Variants in SNRPN observed in about 807,000 individuals in gnomAD.
The protein encoded by SNRPN is small nuclear ribonucleoprotein polypeptide N, also known as small nuclear ribonucleoprotein-associated protein N.
Under a neutral mutation model 25.2 loss-of-function variants are expected in SNRPN, and 7 were observed. That is an observed-to-expected ratio of 0.28 (90% CI 0.16 to 0.52). SNRPN has a LOEUF of 0.52. Among genes scored for constraint, SNRPN ranks in the 20% least tolerant of loss-of-function variants. SNRPN has a pLI of 0.96. For synonymous variants in SNRPN, 124 were observed against 110.6 expected, an observed-to-expected ratio of 1.12 and a Z score of -0.76; for missense variants, 196 against 322.5, an observed-to-expected ratio of 0.61 and a Z score of 3.00.
chr15:24,971,261 A>G (rs532202803), intron 3 of SNRPN, among the ~76,000 whole-genome samples: 67 of 152,304 alleles, frequency 4.4e-4, no homozygotes, highest in African/African-American at 1.5e-3. Context: ...CTGCTCATCC[A>G]TCCTTGCAGT....
At chr15:24,923,488 G>GAA (rs1595926874) in intron 3 of SNRPN, among the ~76,000 whole-genome samples, 2 of 152,264 alleles carry the variant, frequency 1.3e-5, no homozygotes, top group East Asian at 3.9e-4. Context: ...GTAGGCCACG[G>GAA]AAAAGTACAT....
At chr15:24,877,825 A>G (rs956992329) in intron 1 of SNRPN, among the ~76,000 whole-genome samples, 1 of 152,220 alleles carries the variant, frequency 6.6e-6, no homozygotes, top group Non-Finnish European at 1.5e-5. Context: ...GCCTGGCGAC[A>G]GAGCGAAACT....
chr15:24,971,746 G>A (rs967311811), intron 3 of SNRPN, among the ~76,000 whole-genome samples: 12 of 152,122 alleles, frequency 7.9e-5, no homozygotes, highest in African/African-American at 2.7e-4. Context: ...GTTAAAAACG[G>A]CTTTAGTGAT....
intron 1 of SNRPN, among the ~76,000 whole-genome samples, chr15:24,878,126 G>T (rs1019202733): frequency 6.6e-6 from 1 of 152,214 alleles, no homozygotes; most frequent in Admixed American, 6.5e-5. Flanking sequence ...TACCACTACA[G>T]TTCACAAAAT....
intron 2 of SNRPN, among the ~76,000 whole-genome samples, chr15:24,896,692 C>T (rs1027743962): frequency 1.3e-5 from 2 of 151,302 alleles, no homozygotes; most frequent in African/African-American, 4.9e-5. Flanking sequence ...CCAGCCTGGG[C>T]AACAGAGCGA....
intron 3 of SNRPN, among the ~76,000 whole-genome samples, chr15:24,971,907 A>G (rs1305386119): frequency 1.3e-5 from 2 of 152,156 alleles, no homozygotes; most frequent in African/African-American, 4.8e-5. Context: ...CACAGTCATG[A>G]TCCTTGTTGT....
chr15:24,925,259 T>G (rs1566919165), intron 3 of SNRPN, among the ~76,000 whole-genome samples: 1 of 152,166 alleles, frequency 6.6e-6, no homozygotes, highest in Non-Finnish European at 1.5e-5. Context: ...ACATTTCCGG[T>G]GTTTTATGTC....
rs58343685 is a variant in SNRPN at position 24,923,881 on chromosome 15, A to ATGTGTGTGTG, written c.-391+3781_-391+3790dup. Among the ~76,000 whole-genome samples the ATGTGTGTGTG allele has an allele frequency of 8.3e-3, 885 of 106,042 alleles. 14 individuals are homozygous for ATGTGTGTGTG. Among genetic ancestry groups the ATGTGTGTGTG allele is most frequent in the African/African-American group, 0.028 (733 of 26,470 alleles). The allele number at this position is 106,042 out of a possible 152,430, so 69.6% of individuals were successfully genotyped here. ...GATTTGTTTCTTTTTAGTGCCGTGT[A>ATGTGTGTGTG]TGTGTGTGTGTGTGTGTGTGTGTGT... On this transcript the variant is annotated intron_variant, in intron 3 of 11. Coordinates refer to the SNRPN transcript ENST00000400097.
chr15:24,875,016 G>A (rs1230102952), intron 1 of SNRPN, among the ~76,000 whole-genome samples: 1 of 152,164 alleles, frequency 6.6e-6, no homozygotes, highest in African/African-American at 2.4e-5. Flanking sequence ...GTGATAAGAT[G>A]TATTTGTCCT....
intron 3 of SNRPN, among the ~76,000 whole-genome samples, chr15:24,947,244 C>T (rs765568052): frequency 4.4e-4 from 67 of 152,252 alleles, no homozygotes; most frequent in Non-Finnish European, 8.1e-4. Context: ...ATTTAAGAGA[C>T]CCTGCCACAA....
At chr15:24,920,021 T>G (rs897400662) in exon 3 of SNRPN, 1 of 152,186 alleles carries the variant, frequency 6.6e-6, no homozygotes, top group Non-Finnish European at 1.5e-5. Flanking sequence ...CATATGTAAG[T>G]GGAACTCAGA....
At chr15:24,946,246 A>G (rs1476747707) in intron 3 of SNRPN, among the ~76,000 whole-genome samples, 1 of 151,986 alleles carries the variant, frequency 6.6e-6, no homozygotes, top group Admixed American at 6.6e-5. Context: ...AATCTGTAAA[A>G]GGGATGGAAA....
At position 24,945,026 on chromosome 15, in the gene SNRPN, C is replaced by T. The variant is rs146823821; in HGVS notation, c.-390-17088C>T. On this transcript the variant is annotated intron_variant, in intron 3 of 11. Coordinates refer to the SNRPN transcript ENST00000400097. ...ATGTTAATCCCATCTCAAAACATGC[C>T]ATCGTGGCACCATCCAGGTTAATGT... Among the ~76,000 whole-genome samples the T allele has an allele frequency of 2.2e-3, 337 of 152,244 alleles. 1 individual carries two copies. The highest frequency in any genetic ancestry group is 7.5e-3 in the African/African-American group (313 of 41,534).
At position 24,978,632 on chromosome 15, in the gene SNRPN, A is replaced by G. The variant is rs1049629638; in HGVS notation, c.*188A>G. On this transcript the variant is annotated 3_prime_UTR_variant, in exon 10 of 10. Transcript: ENST00000390687. ...GCCTGTTGATTTTGATGAGATCTTA[A>G]GTTACTGTGGATGAGGGTGATGCCT... The G allele has an allele frequency of 4.8e-6, 3 of 629,078 alleles. No homozygotes were observed. In the African/African-American group the frequency reaches 5.5e-5, roughly 12 times the overall value. 39.0% of individuals were successfully genotyped at this position (629,078 alleles called of 1,614,324 possible).
chr15:24,839,916 C>A (rs544568036), intron 2 of SNRPN, among the ~76,000 whole-genome samples: 1 of 152,204 alleles, frequency 6.6e-6, no homozygotes, highest in Non-Finnish European at 1.5e-5. Context: ...TAAGTGAAGT[C>A]TATGGAGCCT....
chr15:24,876,432 C>T lies in SNRPN; in HGVS notation c.-578-10084C>T, dbSNP rs781095965. On this transcript the variant is annotated intron_variant, in intron 1 of 11. Coordinates refer to the SNRPN transcript ENST00000400097. ...AGGAGTTTGAGACCAGCCTGGCCAA[C>T]ATGGTGAAACGTCTTCTCTGCTAAA... Among the ~76,000 whole-genome samples the T allele has an allele frequency of 6.6e-4, 100 of 152,038 alleles. 2 individuals carry two copies. The highest frequency in any genetic ancestry group is 9.2e-4 in the Admixed American group (14 of 15,272).
chr15:24,919,211 C>T (rs2059889224), intron 2 of SNRPN, among the ~76,000 whole-genome samples: 1 of 151,420 alleles, frequency 6.6e-6, no homozygotes, highest in Non-Finnish European at 1.5e-5. Context: ...GGGCGGATCA[C>T]GAGGTCAGGA....
chr15:24,894,135 C>T (rs2057892580), intron 2 of SNRPN, among the ~76,000 whole-genome samples: 1 of 152,202 alleles, frequency 6.6e-6, no homozygotes, highest in African/African-American at 2.4e-5. Context: ...TTCCCACAGC[C>T]CCCCAACCTG....
chr15:24,880,677 TATG>T (rs1297343163), intron 1 of SNRPN, among the ~76,000 whole-genome samples: 1 of 152,038 alleles, frequency 6.6e-6, no homozygotes, highest in African/African-American at 2.4e-5. Context: ...AAAAAATTAA[TATG>T]TGCTCATAAA....
Sources: allele counts gnomAD v4.1 joint callset (sites outside exome capture counted in the v4.1 genomes callset), GRCh38; gene constraint gnomAD v4.1.1; transcripts MANE v1.5; gene names NCBI Gene and HGNC (gene_info 2026-07-23, HGNC 2026-07-21).